The following TNXB variants were observed in gnomAD, a reference collection of about 807,000 sequenced individuals.
TNXB encodes tenascin XB.
Under a neutral mutation model 340.5 loss-of-function variants are expected in TNXB, and 183 were observed. The observed-to-expected ratio is 0.54, with a 90% CI of 0.48 to 0.61. The LOEUF (loss-of-function observed/expected upper bound fraction) is 0.61, where lower values mean the gene tolerates loss of function less well. Ranked by LOEUF, TNXB falls within the 20% of genes least tolerant of loss-of-function variation. The pLI, the probability that TNXB is intolerant of heterozygous loss-of-function variation, is 0.00. For missense variants in TNXB, 4,613 were observed against 5,446.4 expected, an observed-to-expected ratio of 0.85 and a Z score of 4.82; for synonymous variants, 2,121 against 2,314.5, an observed-to-expected ratio of 0.92 and a Z score of 2.40.
In TNXB at chr6:32,079,335, C is replaced by T. The variant is rs771514610; in HGVS notation, c.4073G>A (p.Ser1358Asn). 1.9e-6 allele frequency: 3 copies of T among 1,610,550 alleles called. No individual in the cohort carries two copies. Among genetic ancestry groups the T allele is most frequent in the Non-Finnish European group, 2.5e-6 (3 of 1,178,372 alleles). ...APQEDVDETP[S>N]PTELGTEAPE... ...GGCCTCCGTGCCCAGTTCTGTGGGGCTGGGGGTCTCGTCCACATCCTCCTG... is the reference window on the plus strand; with the variant it reads ...GGCCTCCGTGCCCAGTTCTGTGGGGTTGGGGGTCTCGTCCACATCCTCCTG... Residue 1358 changes from serine (S) to asparagine (N), a missense_variant, in exon 11 of 44, where the codon AGC becomes AAC. This residue lies in a region of TNXB where 4,327 missense variants were observed against 4,859.4 expected (regional missense o/e 0.89). Coordinates refer to ENST00000644971, the MANE Select transcript of TNXB (RefSeq NM_001365276.2). The surrounding 1 kb of genome is among the most constrained non-coding windows in gnomAD (Gnocchi z 7.1).
intron 24 of TNXB, among the ~76,000 whole-genome samples, chr6:32,055,121 C>A (rs6902493): frequency 1.3e-5 from 2 of 152,076 alleles, no homozygotes; most frequent in African/African-American, 4.8e-5. Flanking sequence ...GTGAGACGCC[C>A]GGTAATAGGG....
rs377704711 is a variant in TNXB, at chr6:32,087,210, T to C, written c.2780-1092A>G. ...TGCAGGCTCCAACGGCAGGTGAGGC[T>C]GGACAAGGGATAGGTGTCCCGTGGC... is the stretch of plus-strand genomic sequence containing the variant. On this transcript the variant is annotated intron_variant, in intron 6 of 43. Coordinates refer to ENST00000644971, the MANE Select transcript of TNXB (RefSeq NM_001365276.2). The surrounding 1 kb of genome is among the most constrained non-coding windows in gnomAD (Gnocchi z 9.0). 6,565 of 478,064 alleles carry C rather than the reference T, an allele frequency of 0.014. 157 individuals are homozygous for C. Among genetic ancestry groups the C allele is most frequent in the Admixed American group, 0.036 (1,636 of 44,984 alleles). The allele number at this position is 478,064 out of a possible 1,614,324, so 29.6% of individuals were successfully genotyped here. A position where few individuals can be genotyped will look rare whatever the true frequency, so the allele number is the denominator to read the frequency against.
chr6:32,095,079 G>A lies in TNXB; in HGVS notation c.2355C>T (p.Pro785=). 1 of 1,548,194 alleles carries A rather than the reference G, an allele frequency of 6.5e-7. No individual in the cohort carries two copies. Among genetic ancestry groups the A allele is most frequent in the Non-Finnish European group, 8.7e-7 (1 of 1,145,644 alleles). Reference sequence around the variant, plus strand: ...TGGAGCCTGGCATCTCTCTCACCGTGGGGATGAACTGAATTTCATAGGCAT... The same window carrying A: ...TGGAGCCTGGCATCTCTCTCACCGTAGGGATGAACTGAATTTCATAGGCAT... ...PVDAYEIQFI[P]TTEGASPPFT... Residue 785 remains proline, a synonymous_variant, in exon 4 of 44, where the codon CCC becomes CCT. Coordinates refer to ENST00000644971, the MANE Select transcript of TNXB (RefSeq NM_001365276.2).
chr6:32,052,797 C>T lies in TNXB; in HGVS notation c.8988G>A (p.Val2996=), dbSNP rs1417882555. The T allele has an allele frequency of 6.2e-7, 1 of 1,613,824 alleles. No homozygotes were observed. Among genetic ancestry groups the T allele is most frequent in the Non-Finnish European group, 8.5e-7 (1 of 1,179,892 alleles). Residue 2996 remains valine (V), a synonymous_variant, in exon 26 of 44, where the codon GTG becomes GTA. Coordinates refer to ENST00000644971, the MANE Select transcript of TNXB (RefSeq NM_001365276.2). This position sits in a 1 kb window ranked among gnomAD's most constrained non-coding sequence, Gnocchi z 4.7. ...YKDRDGRPQV[V]RVRGEESEVT... ...CCTCGCTCTCCTCGCCCCTGACACG[C>T]ACCACCTGGGGCCGCCCGTCCCTGT...
At chr6:32,063,538 T>C (rs1435936747) in intron 19 of TNXB, among the ~76,000 whole-genome samples, 1 of 152,170 alleles carries the variant, frequency 6.6e-6, no homozygotes, top group Non-Finnish European at 1.5e-5. Context: ...ATTTTATAGC[T>C]GAGGGTAGAG....
Position 32,047,862 on chromosome 6 carries a change from A to G in TNXB, c.10196T>C (p.Val3399Ala). 3.1e-6 allele frequency: 5 copies of G among 1,612,200 alleles called. No individual in the cohort carries two copies. Among genetic ancestry groups the G allele is most frequent in the Non-Finnish European group, 4.2e-6 (5 of 1,179,556 alleles). ...YKDKDGRLQV[V>A]PVAANQREVT... The stretch of plus-strand genomic sequence containing the variant: ...CTCCCGCTGGTTGGCTGCCACCGGC[A>G]CCACCTGGAGCCGACCATCCTTATC... Residue 3399 changes from valine (V) to alanine (A), a missense_variant, in exon 30 of 44, where the codon GTG becomes GCG. By Grantham distance (64) the Val-to-Ala change is moderately conservative. Transcript: ENST00000644971. This position sits in a 1 kb window ranked among gnomAD's most constrained non-coding sequence, Gnocchi z 6.2.
At chr6:32,053,089 G>A in intron 25 of TNXB, 96 bp from the exon 26 acceptor site, 1 of 1,351,376 alleles carries the variant, frequency 7.4e-7, no homozygotes, top group Non-Finnish European at 1.0e-6. Flanking sequence ...ATGAGTGGGG[G>A]TCCTGGGGTC....
In TNXB at chr6:32,079,483, C is replaced by A. The variant is rs1779317230; in HGVS notation, c.4043-118G>T. 3 of 862,834 alleles carry A rather than the reference C, an allele frequency of 3.5e-6. No individual in the cohort carries two copies. In the South Asian group the frequency reaches 5.5e-5, roughly 16 times the overall value. The allele number at this position is 862,834 out of a possible 1,614,324, so 53.4% of individuals were successfully genotyped here. ...AGGGGCTCTGTAGCCTTTGTATTTG[C>A]CATTCGGTCACTCACGGATGGAGAA... On this transcript the variant is annotated intron_variant, in intron 10 of 43. Transcript: ENST00000644971. The surrounding 1 kb of genome is among the most constrained non-coding windows in gnomAD (Gnocchi z 7.1).
Position 32,072,626 on chromosome 6 carries a change from G to T in TNXB, c.4682-328C>A, listed in dbSNP as rs373402296. Among the ~76,000 whole-genome samples the T allele has an allele frequency of 5.3e-4, 81 of 152,314 alleles. No homozygotes were observed. The highest frequency in any genetic ancestry group is 1.1e-3 in the African/African-American group (45 of 41,564). On this transcript the variant is annotated intron_variant, in intron 12 of 43. Coordinates refer to ENST00000644971, the MANE Select transcript of TNXB (RefSeq NM_001365276.2). This position sits in a 1 kb window ranked among gnomAD's most constrained non-coding sequence, Gnocchi z 4.4. Reference sequence around the variant, plus strand: ...GCGCCACCAAGTCCTGTTATTTAATGAACTAGTAAATAAGTCCAAGTATTA... The same window carrying T: ...GCGCCACCAAGTCCTGTTATTTAATTAACTAGTAAATAAGTCCAAGTATTA...
intron 23 of TNXB, 83 bp downstream of exon 23, chr6:32,056,503 C>T: frequency 1.3e-6 from 2 of 1,552,650 alleles, no homozygotes; most frequent in South Asian, 1.2e-5. Flanking sequence ...GGACCCCTGG[C>T]CCATTCCCCA....
At chr6:32,063,118 T>G (rs1778132072) in intron 19 of TNXB, among the ~76,000 whole-genome samples, 1 of 151,654 alleles carries the variant, frequency 6.6e-6, no homozygotes, top group Non-Finnish European at 1.5e-5. Context: ...CCAGGCGTGG[T>G]GGCTCAGGCC....
chr6:32,055,928 C>A lies in TNXB; in HGVS notation c.8390G>T (p.Gly2797Val), dbSNP rs773956135. 6.2e-7 allele frequency: 1 copy of A among 1,613,498 alleles called. No individual in the cohort carries two copies. The highest frequency in any genetic ancestry group is 2.2e-5 in the East Asian group (1 of 44,862). ...SEVTVGGLEPGRKYKMHLYGL... is the reference protein window; with the variant it reads ...SEVTVGGLEPVRKYKMHLYGL... Reference sequence around the variant, plus strand: ...GTACAGGTGCATCTTGTATTTGCGCCCGGGCTCCAGGCCCCCCACGGTGAC... The same window carrying A: ...GTACAGGTGCATCTTGTATTTGCGCACGGGCTCCAGGCCCCCCACGGTGAC... The change falls in exon 24 of 44, where the codon GGG becomes GTG. Residue 2797 changes from glycine to valine, a missense_variant. This residue lies in a region of TNXB where 4,327 missense variants were observed against 4,859.4 expected (regional missense o/e 0.89). Transcript: ENST00000644971.
In TNXB at chr6:32,079,766, G is replaced by A. The variant is rs1190167106; in HGVS notation, c.4043-401C>T. Among the ~76,000 whole-genome samples, 1 of 152,162 alleles carries A rather than the reference G, an allele frequency of 6.6e-6. No individual in the cohort carries two copies. The highest frequency in any genetic ancestry group is 1.5e-5 in the Non-Finnish European group (1 of 68,020). On this transcript the variant is annotated intron_variant, in intron 10 of 43. Coordinates refer to ENST00000644971, the MANE Select transcript of TNXB (RefSeq NM_001365276.2). This position sits in a 1 kb window ranked among gnomAD's most constrained non-coding sequence, Gnocchi z 7.1. ...GACCATGGAATGTGCTCTTGCTGTGGCCTCCCCAGGCAGCCCTGCCCCTCC... is the reference window on the plus strand; with the variant it reads ...GACCATGGAATGTGCTCTTGCTGTGACCTCCCCAGGCAGCCCTGCCCCTCC...
Position 32,058,079 on chromosome 6 carries a change from C to A in TNXB, c.7804G>T (p.Val2602Leu). 2 of 1,610,916 alleles carry A rather than the reference C, an allele frequency of 1.2e-6. No individual in the cohort carries two copies. Among genetic ancestry groups the A allele is most frequent in the South Asian group, 1.1e-5 (1 of 90,998 alleles). ...TCACCTGTGACGCCCACGGCAGACACCGGGCCCAGGCGCCGCCCCTCGTGG... is the reference window on the plus strand; with the variant it reads ...TCACCTGTGACGCCCACGGCAGACAACGGGCCCAGGCGCCGCCCCTCGTGG... Reference protein sequence around the residue: ...GLHEGRRLGPVSAVGVTEDEA... With the variant: ...GLHEGRRLGPLSAVGVTEDEA... Residue 2602 changes from valine (V) to leucine (L), a missense_variant, in exon 22 of 44, where the codon GTG becomes TTG. Around this residue, in one of 7 missense-constraint regions of TNXB, gnomAD observed 4,327 missense variants for 4,859.4 expected, o/e 0.89. Coordinates refer to ENST00000644971, the MANE Select transcript of TNXB (RefSeq NM_001365276.2). The surrounding 1 kb of genome is among the most constrained non-coding windows in gnomAD (Gnocchi z 5.1).
At chr6:32,048,800 C>T (rs920896533) in intron 28 of TNXB, 150 bp from the exon 29 acceptor site, 93 of 828,064 alleles carry the variant, frequency 1.1e-4, no homozygotes, top group Non-Finnish European at 1.5e-4. Context: ...GTAAGCAGCT[C>T]ACAAACAGTG....
chr6:32,056,503 C>G (rs1487918795), intron 23 of TNXB, 83 bp downstream of exon 23: 13 of 1,552,532 alleles, frequency 8.4e-6, no homozygotes, highest in Non-Finnish European at 1.1e-5. Flanking sequence ...GGACCCCTGG[C>G]CCATTCCCCA....
In TNXB at chr6:32,073,907, T is replaced by C; in HGVS notation, c.4421A>G (p.Glu1474Gly). The C allele has an allele frequency of 5.6e-6, 9 of 1,607,514 alleles. No homozygotes were observed. The highest frequency in any genetic ancestry group is 6.8e-6 in the Non-Finnish European group (8 of 1,177,432). ...ETPPATESPL[E>G]PRLGELTVTD... ...CACTGTCAGCTCTCCTAGGCGTGGC[T>C]CCAGCGGGGACTCAGTGGCTGGAGG... Residue 1474 changes from glutamate to glycine, a missense_variant, in exon 12 of 44, where the codon GAG (glutamate) becomes GGG (glycine). By Grantham distance (98) the Glu-to-Gly change is moderately conservative. Transcript: ENST00000644971. The surrounding 1 kb of genome is among the most constrained non-coding windows in gnomAD (Gnocchi z 4.6).
rs749923458 is a variant in TNXB at position 32,086,023 on chromosome 6, G to A, written c.2875C>T (p.Arg959Cys). ...CTCAACTCTCCCAGCTCCTGGGGGC[G>A]CTGCTGCAGGAGAGGAGCCTGGGCC... ...QGAQAPLLQQRPQELGELRVL... is the reference protein window; with the variant it reads ...QGAQAPLLQQCPQELGELRVL... The change falls in exon 7 of 44, where the codon CGC (arginine) becomes TGC (cysteine). Residue 959 changes from arginine (R) to cysteine (C), a missense_variant. By Grantham distance (180) the Arg-to-Cys change is radical. Around this residue, in one of 7 missense-constraint regions of TNXB, gnomAD observed 4,327 missense variants for 4,859.4 expected, o/e 0.89. Coordinates refer to ENST00000644971, the MANE Select transcript of TNXB (RefSeq NM_001365276.2). 2.4e-5 allele frequency: 38 copies of A among 1,605,736 alleles called. No homozygotes were observed. Among genetic ancestry groups the A allele is most frequent in the Middle Eastern group, 1.7e-4 (1 of 5,742 alleles).
Position 32,089,166 on chromosome 6 carries a change from C to A in TNXB, c.2515+57G>T. ...CTTCTGCCCTCCCGGAGGGCAGATTCCCTCTCTAGTCCAGATCTCCACTCA... is the reference window on the plus strand; with the variant it reads ...CTTCTGCCCTCCCGGAGGGCAGATTACCTCTCTAGTCCAGATCTCCACTCA... On this transcript the variant is annotated intron_variant, in intron 5 of 43. Coordinates refer to ENST00000644971, the MANE Select transcript of TNXB (RefSeq NM_001365276.2). The surrounding 1 kb of genome is among the most constrained non-coding windows in gnomAD (Gnocchi z 6.2). 1 of 1,565,482 alleles carries A rather than the reference C, an allele frequency of 6.4e-7. No homozygotes were observed. The highest frequency in any genetic ancestry group is 1.2e-5 in the South Asian group (1 of 83,094).
Sources: allele counts gnomAD v4.1 joint callset (sites outside exome capture counted in the v4.1 genomes callset), GRCh38; gene constraint gnomAD v4.1.1; regional missense constraint gnomAD v4.1.1; non-coding constraint Gnocchi (gnomAD v3.1); transcripts MANE v1.5; gene names NCBI Gene and HGNC (gene_info 2026-07-23, HGNC 2026-07-21).